Variants in MAST4 observed in about 807,000 individuals in gnomAD.
MAST4 encodes the protein microtubule-associated serine/threonine-protein kinase 4.
MAST4 carries 89 observed loss-of-function variants against 162.7 expected under a neutral mutation model. The observed-to-expected ratio is 0.55, with a 90% CI of 0.46 to 0.65. The LOEUF is 0.65. MAST4 is among the 30% of genes least tolerant of loss of function. The pLI is 0.00. For missense variants in MAST4, 3,153 were observed against 3,374.0 expected, an observed-to-expected ratio of 0.93 and a Z score of 1.62; for synonymous variants, 1,479 against 1,361.1, an observed-to-expected ratio of 1.09 and a Z score of -1.91.
At chr5:67,155,860 G>A (rs940215443) in intron 26 of MAST4, among the ~76,000 whole-genome samples, 5 of 152,108 alleles carry the variant, frequency 3.3e-5, no homozygotes, top group African/African-American at 1.2e-4. Context: ...AGGAGTTCAA[G>A]ACCAGCCTGG....
At chr5:66,943,589 T>C (rs893234069) in intron 4 of MAST4, among the ~76,000 whole-genome samples, 24 of 152,166 alleles carry the variant, frequency 1.6e-4, no homozygotes, top group African/African-American at 5.5e-4. Flanking sequence ...ATTTGTTTAA[T>C]GGAACAGCTT....
Position 67,079,380 on chromosome 5 carries a change from TGTA to T in MAST4, c.764-10778_764-10776del, listed in dbSNP as rs539247131. ...ATAAATAATAGAGCATTATATTTGA[TGTA>T]GTATTTTGGGAGGAATTTTTTTATA... On this transcript the variant is annotated intron_variant, in intron 5 of 28. Transcript: ENST00000403625. Among the ~76,000 whole-genome samples, 187 of 152,260 alleles carry T rather than the reference TGTA, an allele frequency of 1.2e-3. No homozygotes were observed. In the Middle Eastern group the frequency reaches 0.017, roughly 14 times the overall value.
chr5:66,682,304 A>T (rs1265870003), intron 1 of MAST4, among the ~76,000 whole-genome samples: 1 of 152,194 alleles, frequency 6.6e-6, no homozygotes, highest in East Asian at 1.9e-4. Context: ...CATTTTCATG[A>T]ATACAAATTG....
At chr5:67,051,074 A>G (rs1235728497) in intron 4 of MAST4, among the ~76,000 whole-genome samples, 3 of 152,174 alleles carry the variant, frequency 2.0e-5, no homozygotes, top group Admixed American at 1.3e-4. Context: ...TACAAGCTCA[A>G]ATGCTTAGAT....
At position 66,597,034 on chromosome 5, in the gene MAST4, G is replaced by C; in HGVS notation, c.363+16G>C. ...GGACGAGGAGGTGGGCCTTTCCCCA[G>C]CTTGCCCACTCTGGGTTCCGGCAGC... On this transcript the variant is annotated intron_variant, in intron 1 of 28. Transcript: ENST00000403625. The C allele has an allele frequency of 7.1e-7, 1 of 1,415,828 alleles. No homozygotes were observed. Among genetic ancestry groups the C allele is most frequent in the Non-Finnish European group, 9.1e-7 (1 of 1,093,080 alleles). The allele number at this position is 1,415,828 out of a possible 1,614,324, so 87.7% of individuals were successfully genotyped here. A position where few individuals can be genotyped will look rare whatever the true frequency, so the allele number is the denominator to read the frequency against.
intron 3 of MAST4, among the ~76,000 whole-genome samples, chr5:66,805,793 G>T (rs1756155948): frequency 6.6e-6 from 1 of 152,190 alleles, no homozygotes; most frequent in African/African-American, 2.4e-5. Flanking sequence ...CTGGGTGGTG[G>T]CAGGTCTCCA....
In MAST4 at chr5:67,090,145, CTT is replaced by C. The variant is rs1763669411; in HGVS notation, c.764-14_764-13del. On this transcript the variant is annotated splice_polypyrimidine_tract_variant and intron_variant, in intron 5 of 28. Transcript: ENST00000403625. ...ACAAAATCATGTAGTAAATTTCTCT[CTT>C]TTCTCTTTCTCTAGGAAATAGCCCT... The C allele has an allele frequency of 6.4e-7, 1 of 1,572,984 alleles. No individual in the cohort carries two copies. The highest frequency in any genetic ancestry group is 1.4e-5 in the African/African-American group (1 of 74,072).
rs143440339 is a variant in MAST4, at chr5:67,113,246, G to A, written c.1459-841G>A. On this transcript the variant is annotated intron_variant, in intron 11 of 28. Transcript: ENST00000403625. ...GGAGAATGTCGTGAACCTGGGAGGC[G>A]GAGCTTGCAGTGAGCCGAGATCGCA... Among the ~76,000 whole-genome samples the A allele has an allele frequency of 7.1e-3, 1,055 of 149,564 alleles. 16 individuals carry two copies. Among genetic ancestry groups the A allele is most frequent in the African/African-American group, 0.025 (1,001 of 40,790 alleles).
At chr5:66,718,939 T>C (rs1236985309) in intron 1 of MAST4, among the ~76,000 whole-genome samples, 1 of 152,228 alleles carries the variant, frequency 6.6e-6, no homozygotes, top group African/African-American at 2.4e-5. Context: ...TGCTTAACCA[T>C]GTAGACTGTA....
intron 7 of MAST4, among the ~76,000 whole-genome samples, chr5:67,097,072 G>A (rs923959783): frequency 9.2e-5 from 14 of 151,696 alleles, no homozygotes; most frequent in African/African-American, 3.4e-4. Flanking sequence ...ACCTTGCATT[G>A]CCTTCAGTCA....
At chr5:66,807,009 C>G (rs1174987214) in intron 3 of MAST4, among the ~76,000 whole-genome samples, 1 of 152,148 alleles carries the variant, frequency 6.6e-6, no homozygotes, top group Non-Finnish European at 1.5e-5. Context: ...TCACATCACT[C>G]TTATCTACAT....
intron 1 of MAST4, among the ~76,000 whole-genome samples, chr5:66,640,738 G>T (rs957952183): frequency 6.6e-6 from 1 of 152,184 alleles, no homozygotes; most frequent in African/African-American, 2.4e-5. Context: ...TTTCCTTTGG[G>T]CATGTACCTA....
At chr5:67,103,007 C>T (rs959804451) in intron 9 of MAST4, among the ~76,000 whole-genome samples, 17 of 152,196 alleles carry the variant, frequency 1.1e-4, no homozygotes, top group Non-Finnish European at 1.6e-4. Flanking sequence ...ATTGGTGTGT[C>T]ATGAGAGTTG....
At chr5:67,086,149 T>C (rs1159041755) in intron 5 of MAST4, among the ~76,000 whole-genome samples, 1 of 152,214 alleles carries the variant, frequency 6.6e-6, no homozygotes, top group East Asian at 1.9e-4. Flanking sequence ...GGGGGCTTAC[T>C]CTTTGATCCA....
rs59771853 is a variant in MAST4 at position 66,911,558 on chromosome 5, A to ACCCCC, written c.674+11589_674+11593dup. 1.7e-4 allele frequency among the ~76,000 whole-genome samples: 3 copies of ACCCCC among 18,094 alleles called. 1 individual carries two copies. Among genetic ancestry groups the ACCCCC allele is most frequent in the Non-Finnish European group, 3.2e-4 (3 of 9,442 alleles). The allele number at this position is 18,094 out of a possible 152,430, so 11.9% of individuals were successfully genotyped here. On this transcript the variant is annotated intron_variant, in intron 4 of 28. Coordinates refer to ENST00000403625, the MANE Select transcript of MAST4 (RefSeq NM_001164664.2). ...CTCTACAAACAAACAAACAACAACA[A>ACCCCC]CCCCCCCCCCCCCCCCCGCAAAAAA...
chr5:67,142,921 A>T (rs954019764), intron 21 of MAST4: 1 of 167,566 alleles, frequency 6.0e-6, no homozygotes, highest in Non-Finnish European at 1.3e-5. Flanking sequence ...TGCTACTTAT[A>T]TGATGACCTT....
intron 3 of MAST4, among the ~76,000 whole-genome samples, chr5:66,808,667 AC>A (rs1384732483): frequency 6.6e-6 from 1 of 152,194 alleles, no homozygotes; most frequent in Non-Finnish European, 1.5e-5. Flanking sequence ...TGCTTCAGAA[AC>A]ATCACTTGCG....
intron 4 of MAST4, among the ~76,000 whole-genome samples, chr5:66,983,067 A>G (rs1243536920): frequency 2.0e-5 from 3 of 152,240 alleles, no homozygotes; most frequent in Non-Finnish European, 2.9e-5. Context: ...TGCCTTGACT[A>G]TGTAGCTGAC....
intron 1 of MAST4, among the ~76,000 whole-genome samples, chr5:66,707,432 A>G (rs1750207672): frequency 1.3e-5 from 2 of 152,164 alleles, no homozygotes; most frequent in Non-Finnish European, 2.9e-5. Context: ...AGTACCACCA[A>G]CAAGGGGGCC....
Sources: gnomAD v4.1 joint callset for allele counts (sites outside exome capture counted in the v4.1 genomes callset) on GRCh38, gnomAD v4.1.1 for gene constraint, MANE v1.5 for transcripts, NCBI Gene and HGNC (gene_info 2026-07-23, HGNC 2026-07-21) for gene names.